LYPD6: variants seen among roughly 807,000 people sequenced by gnomAD.
LYPD6 encodes the protein ly6/PLAUR domain-containing protein 6.
A neutral mutation model predicts 22.7 loss-of-function variants in LYPD6; 15 were observed. The observed-to-expected ratio is 0.66, with a 90% CI of 0.44 to 1.02. LYPD6 has a LOEUF of 1.02. Among genes scored for constraint, LYPD6 ranks in the 50% least tolerant of loss-of-function variants. LYPD6 has a pLI of 0.00. For missense variants in LYPD6, 189 were observed against 208.4 expected (o/e 0.91, Z 0.57); for synonymous variants, 72 against 77.5 (o/e 0.93, Z 0.37).
intron 1 of LYPD6, among the ~76,000 whole-genome samples, chr2:149,378,081 G>T (rs190058023): frequency 2.4e-4 from 37 of 152,090 alleles, no homozygotes; most frequent in African/African-American, 8.2e-4. Context: ...CTAGCTATGT[G>T]TAACTCATAG....
chr2:149,372,027 G>C (rs755933807), intron 1 of LYPD6, among the ~76,000 whole-genome samples: 2 of 152,122 alleles, frequency 1.3e-5, no homozygotes, highest in Non-Finnish European at 2.9e-5. Context: ...TAACTTATAG[G>C]AGAGCGGAGG....
intron 1 of LYPD6, among the ~76,000 whole-genome samples, chr2:149,342,023 A>G (rs1300290374): frequency 2.6e-5 from 4 of 152,192 alleles, no homozygotes; most frequent in Non-Finnish European, 5.9e-5. Context: ...GGAAGAACAA[A>G]TGAATACCAC....
chr2:149,426,845 T>C (rs889817765), intron 1 of LYPD6, among the ~76,000 whole-genome samples: 2 of 151,930 alleles, frequency 1.3e-5, no homozygotes, highest in Non-Finnish European at 2.9e-5. Context: ...TTGGGTGGGG[T>C]GGGAGAATGA....
intron 1 of LYPD6, among the ~76,000 whole-genome samples, chr2:149,411,223 C>G (rs1372350741): frequency 1.3e-5 from 2 of 152,186 alleles, no homozygotes; most frequent in African/African-American, 4.8e-5. Flanking sequence ...TTAGGAACCA[C>G]TGGCTAAGCC....
At chr2:149,474,447 ATCC>A (rs1040515491), downstream of LYPD6, among the ~76,000 whole-genome samples, 1 of 152,168 alleles carries the variant, frequency 6.6e-6, no homozygotes, top group Non-Finnish European at 1.5e-5. Context: ...GGCTCAAGCA[ATCC>A]TCCTACCTCA....
At chr2:149,465,803 G>A (rs1681187022) in intron 3 of LYPD6, among the ~76,000 whole-genome samples, 1 of 152,128 alleles carries the variant, frequency 6.6e-6, no homozygotes, top group African/African-American at 2.4e-5. Flanking sequence ...TCCAATTGTT[G>A]ATGAAGTTCT....
chr2:149,438,872 T>G (rs1212495600), intron 2 of LYPD6, among the ~76,000 whole-genome samples: 4 of 152,224 alleles, frequency 2.6e-5, no homozygotes, highest in African/African-American at 4.8e-5. Flanking sequence ...TTGTGGCCTT[T>G]TGACTTAAAA....
At chr2:149,438,964 A>G (rs146616829) in intron 2 of LYPD6, among the ~76,000 whole-genome samples, 271 of 152,342 alleles carry the variant, frequency 1.8e-3, no homozygotes, top group Admixed American at 3.7e-3. Flanking sequence ...GGAAATGCTC[A>G]ATCAATGTTA....
At chr2:149,478,224 A>C (rs1681471841), downstream of LYPD6, among the ~76,000 whole-genome samples, 1 of 152,052 alleles carries the variant, frequency 6.6e-6, no homozygotes, top group African/African-American at 2.4e-5. Context: ...TCATCTCAAG[A>C]ATTCTGGAGT....
chr2:149,375,250 C>T (rs534899429), intron 1 of LYPD6, among the ~76,000 whole-genome samples: 15 of 152,222 alleles, frequency 9.9e-5, no homozygotes, highest in Admixed American at 3.3e-4. Context: ...TAAGTAAGTG[C>T]CCGTGGGTGG....
intron 1 of LYPD6, chr2:149,368,105 C>T (rs530510919): frequency 1.3e-5 from 2 of 152,288 alleles, no homozygotes; most frequent in East Asian, 1.9e-4. Flanking sequence ...AAAAGTTATG[C>T]AAAAGCTACT....
rs528244296 is a variant in LYPD6 at position 149,405,761 on chromosome 2, C to T, written c.-71-31877C>T. Among the ~76,000 whole-genome samples the T allele has an allele frequency of 2.0e-5, 3 of 151,112 alleles. No homozygotes were observed. In the East Asian group the frequency reaches 5.8e-4, roughly 29 times the overall value. ...AGTTCTGCTCTGATTTTAGTTATTT[C>T]TTGCCTTCTGCTAGCTTTTGAATGT... On this transcript the variant is annotated intron_variant, in intron 1 of 4. Coordinates refer to ENST00000334166, the MANE Select transcript of LYPD6 (RefSeq NM_194317.5).
chr2:149,456,466 A>G (rs985924980), intron 3 of LYPD6, among the ~76,000 whole-genome samples: 5 of 151,786 alleles, frequency 3.3e-5, no homozygotes, highest in African/African-American at 4.8e-5. Flanking sequence ...TGTCCTCCCC[A>G]TTTTTCCCCC....
At chr2:149,333,574 A>G (rs1436904471) in intron 1 of LYPD6, among the ~76,000 whole-genome samples, 2 of 152,222 alleles carry the variant, frequency 1.3e-5, no homozygotes, top group Admixed American at 6.5e-5. Flanking sequence ...CACCTACCTC[A>G]TGCAGTTTTT....
chr2:149,435,463 C>T (rs1558806896), intron 1 of LYPD6, among the ~76,000 whole-genome samples: 1 of 152,172 alleles, frequency 6.6e-6, no homozygotes. Flanking sequence ...GGGGTATTGG[C>T]CATAGTGCTG....
At chr2:149,333,566 C>T (rs1297985556) in intron 1 of LYPD6, among the ~76,000 whole-genome samples, 2 of 152,138 alleles carry the variant, frequency 1.3e-5, no homozygotes, top group Non-Finnish European at 2.9e-5. Flanking sequence ...GAATAATGCA[C>T]CTACCTCATG....
chr2:149,370,505 C>G (rs1359734820), intron 1 of LYPD6: 1 of 152,088 alleles, frequency 6.6e-6, no homozygotes, highest in East Asian at 1.9e-4. Context: ...CCTCCCATCT[C>G]TTTTACCTTG....
chr2:149,402,072 T>C (rs947005361), intron 1 of LYPD6, among the ~76,000 whole-genome samples: 5 of 151,950 alleles, frequency 3.3e-5, no homozygotes, highest in African/African-American at 1.2e-4. Flanking sequence ...CAAACCACCA[T>C]GGCACATGTA....
chr2:149,427,246 G>T (rs1361733593), intron 1 of LYPD6, among the ~76,000 whole-genome samples: 1 of 152,086 alleles, frequency 6.6e-6, no homozygotes, highest in Non-Finnish European at 1.5e-5. Flanking sequence ...CTACTATATT[G>T]TTTCTGAGTA....
Sources: allele counts gnomAD v4.1 joint callset (sites outside exome capture counted in the v4.1 genomes callset), GRCh38; gene constraint gnomAD v4.1.1; transcripts MANE v1.5; gene names NCBI Gene and HGNC (gene_info 2026-07-23, HGNC 2026-07-21).